KMT2C: variants seen among roughly 807,000 people sequenced by gnomAD.
The protein encoded by KMT2C is lysine methyltransferase 2C, also known as histone-lysine N-methyltransferase 2C.
In KMT2C, 88 loss-of-function variants were observed where a neutral mutation model predicts 507.9. The observed-to-expected ratio is 0.17, with a 90% CI of 0.15 to 0.21. The LOEUF (loss-of-function observed/expected upper bound fraction) is 0.21, where lower values mean the gene tolerates loss of function less well. Among genes scored for constraint, KMT2C ranks in the 10% least tolerant of loss-of-function variants. The pLI is 1.00. For synonymous variants in KMT2C, 2,049 were observed against 2,080.8 expected (o/e 0.98, Z 0.42); for missense variants, 4,954 against 5,957.8 (o/e 0.83, Z 5.55).
At chr7:152,235,605 G>T (rs1219397650) in intron 16 of KMT2C, among the ~76,000 whole-genome samples, 1 of 99,178 alleles carries the variant, frequency 1.0e-5, no homozygotes, top group Non-Finnish European at 2.3e-5. Context: ...GAAAGATAAG[G>T]AGTCAAAGAG....
intron 6 of KMT2C, among the ~76,000 whole-genome samples, chr7:152,308,427 G>A (rs934958813): frequency 4.6e-5 from 7 of 152,042 alleles, no homozygotes; most frequent in African/African-American, 1.7e-4. Flanking sequence ...TGTAATCCCA[G>A]CACGTCAGGA....
rs760449487 is a variant in KMT2C, at chr7:152,176,652, G to A, written c.8801C>T (p.Pro2934Leu). The A allele has an allele frequency of 1.2e-6, 2 of 1,614,160 alleles. No homozygotes were observed. Among genetic ancestry groups the A allele is most frequent in the East Asian group, 4.5e-5 (2 of 44,882 alleles). The part of the protein sequence containing the change: ...NEKSDNSDIR[P>L]SGSPPPPTLP... ...AGTTGGTGGTGGTGGAGACCCCGAT[G>A]GCCTAATGTCTGAATTATCAGATTT... The change falls in exon 38 of 59, where the codon CCA (proline) becomes CTA (leucine). Residue 2934 changes from proline (P) to leucine (L), a missense_variant. By Grantham distance (98) the Pro-to-Leu change is moderately conservative (BLOSUM62 -3). Coordinates refer to ENST00000262189, the MANE Select transcript of KMT2C (RefSeq NM_170606.3).
At chr7:152,242,486 T>C (rs1199103663) in intron 14 of KMT2C, among the ~76,000 whole-genome samples, 3 of 152,186 alleles carry the variant, frequency 2.0e-5, no homozygotes, top group Admixed American at 2.0e-4. Flanking sequence ...TATTAAGTTG[T>C]AAATAGAATC....
intron 1 of KMT2C, among the ~76,000 whole-genome samples, chr7:152,360,227 T>C (rs1273899977): frequency 6.6e-6 from 1 of 151,204 alleles, no homozygotes; most frequent in Non-Finnish European, 1.5e-5. Flanking sequence ...CCTGTAATCC[T>C]AGTACTTTGG....
chr7:152,386,966 G>T (rs2116513458), intron 1 of KMT2C, among the ~76,000 whole-genome samples: 1 of 152,202 alleles, frequency 6.6e-6, no homozygotes, highest in South Asian at 2.1e-4. Context: ...ATTTTATATA[G>T]AATTTTGTTA....
At chr7:152,292,803 C>T (rs369963558) in intron 6 of KMT2C, among the ~76,000 whole-genome samples, 1 of 152,148 alleles carries the variant, frequency 6.6e-6, no homozygotes, top group East Asian at 1.9e-4. Flanking sequence ...GCTTTTCAAC[C>T]TCTCAGCTGG....
chr7:152,297,053 G>GAAAGAAAGAA (rs1554622595), intron 6 of KMT2C, among the ~76,000 whole-genome samples: 15 of 81,468 alleles, frequency 1.8e-4, no homozygotes, highest in East Asian at 8.0e-4. Flanking sequence ...AAGAAAGAAA[G>GAAAGAAAGAA]ACAGAGAGAG....
At chr7:152,380,532 C>G (rs1051880001) in intron 1 of KMT2C, among the ~76,000 whole-genome samples, 2 of 151,118 alleles carry the variant, frequency 1.3e-5, no homozygotes, top group East Asian at 2.0e-4. Flanking sequence ...CGCACCATTG[C>G]ACTCCAGCCT....
chr7:152,163,215 G>A lies in KMT2C; in HGVS notation c.10362C>T (p.Tyr3454=), dbSNP rs1307301535. Reference sequence around the variant, plus strand: ...TAAAATCACAAGGTAAGTCGGAACTGTAGAAGGGAATCTGGGACACAGATG... The same window carrying A: ...TAAAATCACAAGGTAAGTCGGAACTATAGAAGGGAATCTGGGACACAGATG... ...SRTSVSQIPF[Y]SSDLPCDFMQ... Residue 3454 remains tyrosine (Y), a synonymous_variant, in exon 43 of 59, where the codon TAC becomes TAT. Coordinates refer to ENST00000262189, the MANE Select transcript of KMT2C (RefSeq NM_170606.3). 2 of 1,614,068 alleles carry A rather than the reference G, an allele frequency of 1.2e-6. No individual in the cohort carries two copies. Among genetic ancestry groups the A allele is most frequent in the East Asian group, 4.5e-5 (2 of 44,900 alleles).
chr7:152,285,823 A>T (rs2096286930), intron 6 of KMT2C, among the ~76,000 whole-genome samples: 1 of 152,178 alleles, frequency 6.6e-6, no homozygotes, highest in South Asian at 2.1e-4. Flanking sequence ...CATCTCTACT[A>T]AAAATACAAA....
chr7:152,265,388 T>C (rs1317875829), intron 7 of KMT2C, among the ~76,000 whole-genome samples, 179 bp from the exon 8 acceptor site: 12 of 152,232 alleles, frequency 7.9e-5, no homozygotes, highest in Admixed American at 7.9e-4. Context: ...GGGTATTTAA[T>C]CTAAATGTAA....
At chr7:152,206,653 A>C (rs1356374463) in intron 24 of KMT2C, among the ~76,000 whole-genome samples, 4 of 152,200 alleles carry the variant, frequency 2.6e-5, no homozygotes, top group Non-Finnish European at 4.4e-5. Context: ...ACGTGTGATA[A>C]GCGGGAAAAA....
intron 16 of KMT2C, among the ~76,000 whole-genome samples, chr7:152,232,699 G>A (rs544366544): frequency 6.6e-6 from 1 of 152,126 alleles, no homozygotes; most frequent in East Asian, 1.9e-4. Context: ...TACATGCATA[G>A]TATTAACAAA....
At chr7:152,268,730 GA>G (rs1230318393) in intron 7 of KMT2C, among the ~76,000 whole-genome samples, 1 of 152,056 alleles carries the variant, frequency 6.6e-6, no homozygotes, top group African/African-American at 2.4e-5. Context: ...AAAATTGGGG[GA>G]AATAATAAAC....
intron 9 of KMT2C, among the ~76,000 whole-genome samples, chr7:152,258,676 C>T (rs1359483124): frequency 1.3e-5 from 2 of 152,100 alleles, no homozygotes; most frequent in East Asian, 1.9e-4. Context: ...ATGGCACCCA[C>T]TATCATGCCT....
At chr7:152,149,188 A>G in intron 51 of KMT2C, 36 bp from the exon 52 acceptor site, 1 of 1,443,728 alleles carries the variant, frequency 6.9e-7, no homozygotes, top group South Asian at 1.8e-5. Flanking sequence ...AAAGAAAAAT[A>G]ATTCACAAGC....
intron 36 of KMT2C, among the ~76,000 whole-genome samples, chr7:152,180,447 CT>C (rs1161396730): frequency 6.6e-6 from 1 of 152,116 alleles, no homozygotes; most frequent in East Asian, 1.9e-4. Context: ...GATTTGGGTC[CT>C]TTTCCTTGCC....
At position 152,156,286 on chromosome 7, in the gene KMT2C, T is replaced by C. The variant is rs567490370; in HGVS notation, c.11731A>G (p.Met3911Val). The C allele has an allele frequency of 2.4e-5, 39 of 1,614,072 alleles. No homozygotes were observed. The highest frequency in any genetic ancestry group is 2.4e-4 in the South Asian group (22 of 91,070). ...CCATTGGCCATCTTCTGACAAGCCA[T>C]AGGAGGTGGTGTAGGAGGAAGAGAG... ...PASLPPTPPPMACQKMANGFA... is the reference protein window; with the variant it reads ...PASLPPTPPPVACQKMANGFA... Residue 3911 changes from methionine (M) to valine (V), a missense_variant, in exon 45 of 59, where the codon ATG (methionine) becomes GTG (valine). Met to Val is a conservative substitution (Grantham distance 21). This residue lies in a region of KMT2C where 104 missense variants were observed against 134.3 expected (regional missense o/e 0.77). Transcript: ENST00000262189.
At chr7:152,414,579 G>C (rs946329854) in intron 1 of KMT2C, among the ~76,000 whole-genome samples, 9 of 151,626 alleles carry the variant, frequency 5.9e-5, no homozygotes, top group African/African-American at 1.9e-4. Context: ...TACTCAATAA[G>C]ATTTAATAAA....
Sources: gnomAD v4.1 joint callset for allele counts (sites outside exome capture counted in the v4.1 genomes callset) on GRCh38, gnomAD v4.1.1 for gene constraint, gnomAD v4.1.1 regional missense constraint, MANE v1.5 for transcripts, NCBI Gene and HGNC (gene_info 2026-07-23, HGNC 2026-07-21) for gene names.